Variants in AK7 observed in about 807,000 individuals in gnomAD.
AK7 encodes ATP-AMP transphosphorylase 7.
Under a neutral mutation model 96.6 loss-of-function variants are expected in AK7, and 78 were observed. The observed-to-expected ratio is 0.81, with a 90% CI of 0.67 to 0.97. The LOEUF (loss-of-function observed/expected upper bound fraction) is 0.97. AK7 is among the 50% of genes least tolerant of loss of function. The pLI, the probability that AK7 is intolerant of heterozygous loss-of-function variation, is 0.00. For missense variants in AK7, 855 were observed against 887.9 expected, an observed-to-expected ratio of 0.96 and a Z score of 0.47; for synonymous variants, 302 against 317.2, an observed-to-expected ratio of 0.95 and a Z score of 0.51.
rs903917720 is a variant in AK7 at position 96,436,911 on chromosome 14, G to A, written c.610-924G>A. Among the ~76,000 whole-genome samples the A allele has an allele frequency of 5.9e-5, 9 of 152,100 alleles. No individual in the cohort carries two copies. In the South Asian group the frequency reaches 6.2e-4, roughly 11 times the overall value. ...GTCCAGTGTGGCCTGGGACTGGTTG[G>A]AAAAGTTCATCTTATTCTGGATTCA... On this transcript the variant is annotated intron_variant, in intron 5 of 17. Coordinates refer to ENST00000267584, the MANE Select transcript of AK7 (RefSeq NM_152327.5).
intron 5 of AK7, chr14:96,423,922 C>T (rs1891863068): frequency 1.9e-6 from 2 of 1,054,502 alleles, no homozygotes; most frequent in Non-Finnish European, 1.5e-6. Flanking sequence ...GACTGTGCCA[C>T]TGCTGATGTC....
intron 4 of AK7, among the ~76,000 whole-genome samples, chr14:96,415,287 T>G (rs1891265023): frequency 6.6e-6 from 1 of 151,588 alleles, no homozygotes; most frequent in African/African-American, 2.4e-5. Flanking sequence ...AGACACCATC[T>G]CTAAAAATAA....
At chr14:96,413,383 A>T (rs1211018738) in intron 4 of AK7, among the ~76,000 whole-genome samples, 1 of 152,164 alleles carries the variant, frequency 6.6e-6, no homozygotes, top group African/African-American at 2.4e-5. Context: ...GGGTTTGGCC[A>T]GTGGGGCTCA....
chr14:96,409,081 T>TA, intron 4 of AK7, 140 bp downstream of exon 4: 1 of 798,438 alleles, frequency 1.3e-6, no homozygotes, highest in Non-Finnish European at 2.0e-6. Context: ...CCAGCAGAGT[T>TA]TACTGACTCT....
intron 8 of AK7, among the ~76,000 whole-genome samples, chr14:96,447,652 T>C (rs1022656392): frequency 6.6e-6 from 1 of 151,832 alleles, no homozygotes; most frequent in African/African-American, 2.4e-5. Flanking sequence ...AGAGACAGGG[T>C]CTTGCTCTGT....
chr14:96,446,136 G>A (rs914026669), intron 7 of AK7, among the ~76,000 whole-genome samples: 9 of 152,104 alleles, frequency 5.9e-5, no homozygotes, highest in East Asian at 3.8e-4. Flanking sequence ...AGGCTCACAC[G>A]AGCCCCTAGA....
At chr14:96,414,766 T>TTC (rs1891233791) in intron 4 of AK7, among the ~76,000 whole-genome samples, 2 of 146,370 alleles carry the variant, frequency 1.4e-5, no homozygotes, top group Non-Finnish European at 1.5e-5. Context: ...TCTTTTTTTT[T>TTC]TTTTTTTTTT....
intron 9 of AK7, 53 bp from the exon 10 acceptor site, chr14:96,451,368 C>A: frequency 4.8e-6 from 7 of 1,471,256 alleles, no homozygotes; most frequent in Non-Finnish European, 6.4e-6. Flanking sequence ...TCTGTTATGA[C>A]AGTCAGAATT....
At chr14:96,463,536 A>G (rs927845113) in intron 12 of AK7, among the ~76,000 whole-genome samples, 2 of 151,772 alleles carry the variant, frequency 1.3e-5, no homozygotes, top group Non-Finnish European at 2.9e-5. Flanking sequence ...TGGCTAACAC[A>G]GTGAAACCCC....
chr14:96,456,623 T>A, intron 11 of AK7, 148 bp downstream of exon 11: 1 of 843,054 alleles, frequency 1.2e-6, no homozygotes, highest in Non-Finnish European at 1.8e-6. Context: ...TCCTAATCAG[T>A]AGCCAGGGGA....
chr14:96,481,944 A>C (rs1208750836), intron 15 of AK7, among the ~76,000 whole-genome samples: 1 of 150,264 alleles, frequency 6.7e-6, no homozygotes, highest in Non-Finnish European at 1.5e-5. Flanking sequence ...ACCTCAACCT[A>C]CTCGGCCTCC....
At position 96,408,729 on chromosome 14, in the gene AK7, A is replaced by C; in HGVS notation, c.404-118A>C. 7 of 798,596 alleles carry C rather than the reference A, an allele frequency of 8.8e-6. No individual in the cohort carries two copies. In the South Asian group the frequency reaches 1.2e-4, roughly 13 times the overall value. 49.5% of individuals were successfully genotyped at this position (798,596 alleles called of 1,614,324 possible). ...GGTGATGGGAACAGGTCAAAGAAGCATCAGAGGTAACAGCACCCTGGTGTT... is the reference window on the plus strand; with the variant it reads ...GGTGATGGGAACAGGTCAAAGAAGCCTCAGAGGTAACAGCACCCTGGTGTT... On this transcript the variant is annotated intron_variant, in intron 3 of 17. Coordinates refer to ENST00000267584, the MANE Select transcript of AK7 (RefSeq NM_152327.5).
chr14:96,461,770 G>T (rs1894261461), intron 12 of AK7, among the ~76,000 whole-genome samples: 1 of 152,098 alleles, frequency 6.6e-6, no homozygotes, highest in Non-Finnish European at 1.5e-5. Context: ...ATTTTTAGTA[G>T]AGACGGGGTT....
chr14:96,423,855 C>T (rs1891858250), intron 5 of AK7: 10 of 832,864 alleles, frequency 1.2e-5, no homozygotes, highest in South Asian at 9.2e-5. Flanking sequence ...AGGATGGGCT[C>T]GTCACATTTC....
At chr14:96,451,640 G>A in intron 10 of AK7, 70 bp downstream of exon 10, 1 of 1,311,242 alleles carries the variant, frequency 7.6e-7, no homozygotes, top group Non-Finnish European at 9.9e-7. Flanking sequence ...GTGTGATGAT[G>A]CCAACGGAAG....
At chr14:96,423,129 C>A (rs1008146716) in intron 5 of AK7, among the ~76,000 whole-genome samples, 12 of 152,206 alleles carry the variant, frequency 7.9e-5, no homozygotes, top group Non-Finnish European at 1.0e-4. Flanking sequence ...AAGCCACTCT[C>A]CCTACTCCTT....
intron 6 of AK7, among the ~76,000 whole-genome samples, chr14:96,439,675 A>G (rs1892849982): frequency 6.6e-6 from 1 of 151,980 alleles, no homozygotes; most frequent in Non-Finnish European, 1.5e-5. Context: ...AAAAAAAAAA[A>G]AAAAAAGTTT....
intron 2 of AK7, among the ~76,000 whole-genome samples, chr14:96,400,163 C>T (rs1468406284): frequency 5.3e-5 from 8 of 151,292 alleles, no homozygotes; most frequent in Non-Finnish European, 8.8e-5. Flanking sequence ...CTCAGCCTCC[C>T]GAGTAGCTGG....
intron 1 of AK7, among the ~76,000 whole-genome samples, chr14:96,393,396 C>G (rs943792002): frequency 5.9e-5 from 9 of 152,212 alleles, no homozygotes; most frequent in African/African-American, 1.7e-4. Flanking sequence ...TTGCCACAAA[C>G]TGGATGACCT....
Sources: gnomAD v4.1 joint callset for allele counts (sites outside exome capture counted in the v4.1 genomes callset) on GRCh38, gnomAD v4.1.1 for gene constraint, MANE v1.5 for transcripts, NCBI Gene and HGNC (gene_info 2026-07-23, HGNC 2026-07-21) for gene names.